MEI4: variants seen among roughly 807,000 people sequenced by gnomAD.
MEI4 encodes the protein meiosis-specific protein MEI4.
In MEI4, 27 loss-of-function variants were observed where a neutral mutation model predicts 31.4. That is an observed-to-expected ratio of 0.86 (90% CI 0.63 to 1.19). MEI4 has a LOEUF of 1.19. MEI4 is among the 50% of genes most tolerant of loss of function. MEI4 has a pLI of 0.00. For synonymous variants in MEI4, 122 were observed against 145.4 expected, an observed-to-expected ratio of 0.84 and a Z score of 1.16; for missense variants, 329 against 398.9, an observed-to-expected ratio of 0.82 and a Z score of 1.49.
intron 3 of MEI4, among the ~76,000 whole-genome samples, chr6:77,789,862 C>T (rs540092347): frequency 6.6e-6 from 1 of 152,044 alleles, no homozygotes; most frequent in African/African-American, 2.4e-5. Flanking sequence ...CCTCAGGGAT[C>T]TAGAACTAGA....
intron 4 of MEI4, among the ~76,000 whole-genome samples, chr6:77,895,515 G>A (rs1766065740): frequency 6.6e-6 from 1 of 152,144 alleles, no homozygotes; most frequent in Non-Finnish European, 1.5e-5. Context: ...AATTGAGTCT[G>A]CAGGATCATC....
At chr6:77,709,335 T>C (rs1400088678) in intron 2 of MEI4, among the ~76,000 whole-genome samples, 1 of 152,184 alleles carries the variant, frequency 6.6e-6, no homozygotes, top group Admixed American at 6.5e-5. Flanking sequence ...TTGTGTCCTC[T>C]TGTGGTGCTG....
intron 4 of MEI4, among the ~76,000 whole-genome samples, chr6:77,835,571 C>T (rs1380028313): frequency 6.6e-6 from 1 of 151,946 alleles, no homozygotes; most frequent in Non-Finnish European, 1.5e-5. Context: ...TATATTGACA[C>T]AATATCTTTT....
At chr6:77,794,161 T>G (rs569384420) in intron 3 of MEI4, among the ~76,000 whole-genome samples, 1 of 152,306 alleles carries the variant, frequency 6.6e-6, no homozygotes. Context: ...TATACTTACA[T>G]CAGACAAAAG....
At position 77,859,704 on chromosome 6, in the gene MEI4, T is replaced by C. The variant is rs545856403; in HGVS notation, c.900+30642T>C. Among the ~76,000 whole-genome samples, 24 of 152,292 alleles carry C rather than the reference T, an allele frequency of 1.6e-4. No homozygotes were observed. The South Asian group carries it at 2.1e-3, about 13-fold the overall frequency. ...CTGTTCATATCAGAAAGGATTCTTA[T>C]TGGGGCTACTCGTGCATATTAAATC... On this transcript the variant is annotated intron_variant, in intron 4 of 4. Transcript: ENST00000684080.
chr6:77,784,845 C>T (rs533999988), intron 3 of MEI4, among the ~76,000 whole-genome samples: 1 of 152,214 alleles, frequency 6.6e-6, no homozygotes, highest in African/African-American at 2.4e-5. Flanking sequence ...CATCTGAGTC[C>T]TGTTCACTTG....
At chr6:77,735,213 A>G (rs1323770980) in intron 2 of MEI4, among the ~76,000 whole-genome samples, 12 of 152,062 alleles carry the variant, frequency 7.9e-5, no homozygotes, top group African/African-American at 2.4e-4. Flanking sequence ...CTCCTGGATA[A>G]TATCCTGCAG....
intron 4 of MEI4, among the ~76,000 whole-genome samples, chr6:77,913,642 T>C (rs1028447892): frequency 1.2e-4 from 18 of 152,218 alleles, no homozygotes; most frequent in African/African-American, 4.3e-4. Context: ...GTCTCCCTTT[T>C]CATTTCTGCT....
chr6:77,819,772 T>C (rs1043729332), intron 3 of MEI4, among the ~76,000 whole-genome samples: 8 of 152,136 alleles, frequency 5.3e-5, no homozygotes, highest in Non-Finnish European at 1.0e-4. Context: ...TATCTTAGTG[T>C]TGGATTTAGT....
At chr6:77,858,971 GC>G (rs1015194814) in intron 4 of MEI4, among the ~76,000 whole-genome samples, 1 of 150,768 alleles carries the variant, frequency 6.6e-6, no homozygotes, top group African/African-American at 2.4e-5. Context: ...GTATACGTGT[GC>G]CATGGTGGTT....
intron 1 of MEI4, among the ~76,000 whole-genome samples, chr6:77,661,850 A>G (rs1274829389): frequency 6.6e-6 from 1 of 152,070 alleles, no homozygotes; most frequent in Non-Finnish European, 1.5e-5. Context: ...AGTGAAGGAG[A>G]AAAACTGGCC....
chr6:77,797,213 A>G lies in MEI4; in HGVS notation c.769-31718A>G, dbSNP rs138667326. On this transcript the variant is annotated intron_variant, in intron 3 of 4. Transcript: ENST00000684080. The stretch of plus-strand genomic sequence containing the variant: ...GTCTGAATGTTTTAAAGACTTAAAT[A>G]TAAGACCTGAAACTATAAAACTCTT... Among the ~76,000 whole-genome samples, 918 of 152,340 alleles carry G rather than the reference A, an allele frequency of 6.0e-3. 7 individuals are homozygous for G. The highest frequency in any genetic ancestry group is 0.02 in the African/African-American group (832 of 41,584).
At position 77,734,095 on chromosome 6, in the gene MEI4, G is replaced by T. The variant is rs1405523861; in HGVS notation, c.233-27035G>T. On this transcript the variant is annotated intron_variant, in intron 2 of 4. Coordinates refer to ENST00000684080, the MANE Select transcript of MEI4 (RefSeq NM_001322247.2). The stretch of plus-strand genomic sequence containing the variant: ...GGTGTGGTGTGGTGCTGAAAAAAAT[G>T]TATATTCTGTTGATTTGGGGTGGAG... Among the ~76,000 whole-genome samples, 6 of 151,982 alleles carry T rather than the reference G, an allele frequency of 3.9e-5. No homozygotes were observed. In the East Asian group the frequency reaches 1.2e-3, roughly 29 times the overall value.
At chr6:77,917,767 T>A (rs1397621984) in intron 4 of MEI4, among the ~76,000 whole-genome samples, 8 of 151,152 alleles carry the variant, frequency 5.3e-5, no homozygotes, top group Non-Finnish European at 1.2e-4. Flanking sequence ...AGCTCTTTAG[T>A]TTAATGAGAT....
intron 3 of MEI4, among the ~76,000 whole-genome samples, chr6:77,803,533 T>A (rs9343667): frequency 0.3 from 45,155 of 152,072 alleles, 6,824 homozygotes; most frequent in East Asian, 0.48. Context: ...GTTCCTTTGG[T>A]GGAGAAGAGG....
intron 1 of MEI4, among the ~76,000 whole-genome samples, chr6:77,680,656 C>T (rs1305378974): frequency 6.6e-6 from 1 of 152,110 alleles, no homozygotes; most frequent in South Asian, 2.1e-4. Context: ...TGAAACAGTC[C>T]CTCTCTCTTA....
At chr6:77,804,944 T>G (rs537250856) in intron 3 of MEI4, among the ~76,000 whole-genome samples, 3 of 152,338 alleles carry the variant, frequency 2.0e-5, no homozygotes, top group Admixed American at 6.5e-5. Context: ...GGGCATTGGA[T>G]TTTGTTCAGC....
intron 4 of MEI4, among the ~76,000 whole-genome samples, chr6:77,890,607 T>C (rs1304718521): frequency 6.6e-6 from 1 of 152,130 alleles, no homozygotes; most frequent in African/African-American, 2.4e-5. Context: ...TGGGGGACTA[T>C]TGGAAGGGCA....
At chr6:77,874,381 T>C (rs1411208390) in intron 4 of MEI4, among the ~76,000 whole-genome samples, 2 of 152,240 alleles carry the variant, frequency 1.3e-5, no homozygotes, top group Non-Finnish European at 2.9e-5. Flanking sequence ...TGAATGGGAA[T>C]TCACTCATGA....
Sources: allele counts gnomAD v4.1 joint callset (sites outside exome capture counted in the v4.1 genomes callset), GRCh38; gene constraint gnomAD v4.1.1; transcripts MANE v1.5; gene names NCBI Gene and HGNC (gene_info 2026-07-23, HGNC 2026-07-21).